GAREM1: variants seen among roughly 807,000 people sequenced by gnomAD.
The protein encoded by GAREM1 is GRB2 associated regulator of MAPK1 subtype 1.
Under a neutral mutation model 71.3 loss-of-function variants are expected in GAREM1, and 26 were observed. The observed-to-expected ratio is 0.36, with a 90% CI of 0.27 to 0.51. The LOEUF (loss-of-function observed/expected upper bound fraction) is 0.51. GAREM1 is among the 20% of genes least tolerant of loss of function. The pLI is 0.95. For missense variants in GAREM1, 1,026 were observed against 1,103.1 expected, an observed-to-expected ratio of 0.93 and a Z score of 0.99; for synonymous variants, 440 against 433.2, an observed-to-expected ratio of 1.02 and a Z score of -0.20.
At chr18:32,402,602 T>C (rs1396966894) in intron 1 of GAREM1, among the ~76,000 whole-genome samples, 2 of 152,124 alleles carry the variant, frequency 1.3e-5, no homozygotes, top group Non-Finnish European at 2.9e-5. Context: ...GTAGGAGCTA[T>C]CGAGGCTCCA....
chr18:32,355,798 G>T (rs997035597), intron 2 of GAREM1, among the ~76,000 whole-genome samples: 2 of 152,082 alleles, frequency 1.3e-5, no homozygotes, highest in Non-Finnish European at 2.9e-5. Context: ...AAGGTTATAA[G>T]CCCACCAAAC....
chr18:32,341,011 G>C (rs1399089915), intron 2 of GAREM1, among the ~76,000 whole-genome samples: 1 of 151,992 alleles, frequency 6.6e-6, no homozygotes, highest in Non-Finnish European at 1.5e-5. Context: ...TAAGTTCTAG[G>C]GTACATGTGC....
At chr18:32,339,464 C>T (rs1362144606) in intron 2 of GAREM1, among the ~76,000 whole-genome samples, 2 of 152,290 alleles carry the variant, frequency 1.3e-5, no homozygotes, top group East Asian at 3.9e-4. Context: ...AAAGCACTTG[C>T]AGGCAGAAAA....
At chr18:32,380,130 A>C (rs919176038) in intron 2 of GAREM1, among the ~76,000 whole-genome samples, 2 of 152,140 alleles carry the variant, frequency 1.3e-5, no homozygotes, top group East Asian at 1.9e-4. Flanking sequence ...GTCGATTAAT[A>C]ATCTGTGGAA....
chr18:32,399,328 C>T (rs923457579), intron 1 of GAREM1, among the ~76,000 whole-genome samples: 15 of 152,074 alleles, frequency 9.9e-5, no homozygotes, highest in Non-Finnish European at 2.1e-4. Context: ...CCAGGGCAAT[C>T]AGGCAGGAGA....
intron 4 of GAREM1, among the ~76,000 whole-genome samples, chr18:32,283,318 G>A (rs2046973679): frequency 6.6e-6 from 1 of 152,200 alleles, no homozygotes; most frequent in Admixed American, 6.5e-5. Flanking sequence ...GCAGAGGTGG[G>A]TGGATCACTT....
At chr18:32,449,718 A>C (rs371781223) in intron 1 of GAREM1, among the ~76,000 whole-genome samples, 7 of 152,178 alleles carry the variant, frequency 4.6e-5, no homozygotes, top group African/African-American at 1.7e-4. Flanking sequence ...ATATTCTTTC[A>C]TCTTCTGTGA....
chr18:32,293,072 A>T (rs1025716392), intron 3 of GAREM1, among the ~76,000 whole-genome samples: 1 of 152,104 alleles, frequency 6.6e-6, no homozygotes, highest in Non-Finnish European at 1.5e-5. Context: ...TGGGGTTTGG[A>T]TTGAAATTAG....
chr18:32,434,462 G>C (rs1157370591), intron 1 of GAREM1, among the ~76,000 whole-genome samples: 3 of 152,064 alleles, frequency 2.0e-5, no homozygotes, highest in Non-Finnish European at 1.5e-5. Flanking sequence ...ATCTTGTGCT[G>C]TGTCAGAAAG....
intron 2 of GAREM1, among the ~76,000 whole-genome samples, chr18:32,323,745 T>C (rs2047451148): frequency 6.6e-6 from 1 of 152,184 alleles, no homozygotes. Flanking sequence ...GGTTCCAATA[T>C]GTAAAAAGCA....
intron 2 of GAREM1, among the ~76,000 whole-genome samples, chr18:32,378,823 T>C (rs1205782495): frequency 6.6e-6 from 1 of 152,216 alleles, no homozygotes; most frequent in African/African-American, 2.4e-5. Context: ...CAGAATGTAC[T>C]ATTTGCTATT....
chr18:32,293,335 G>T (rs2047106427), intron 3 of GAREM1, among the ~76,000 whole-genome samples: 1 of 152,104 alleles, frequency 6.6e-6, no homozygotes, highest in Non-Finnish European at 1.5e-5. Flanking sequence ...AGAAAGTAAG[G>T]TGCTCATAAG....
At chr18:32,381,975 C>T (rs2048102210) in intron 2 of GAREM1, among the ~76,000 whole-genome samples, 1 of 152,180 alleles carries the variant, frequency 6.6e-6, no homozygotes, top group Non-Finnish European at 1.5e-5. Context: ...TTTGCTTGCA[C>T]CTGTTAGAGC....
intron 1 of GAREM1, among the ~76,000 whole-genome samples, chr18:32,399,992 A>G (rs2048296530): frequency 6.6e-6 from 1 of 152,224 alleles, no homozygotes; most frequent in Admixed American, 6.5e-5. Context: ...CCAATGGAAC[A>G]GAACAGAGCC....
intron 2 of GAREM1, among the ~76,000 whole-genome samples, chr18:32,364,022 A>ATTT (rs1236005063): frequency 1.9e-5 from 1 of 52,104 alleles, no homozygotes; most frequent in African/African-American, 1.5e-4. Context: ...ATATATATAT[A>ATTT]TATATGTTTT....
At chr18:32,351,776 A>G (rs984775802) in intron 2 of GAREM1, among the ~76,000 whole-genome samples, 4 of 151,930 alleles carry the variant, frequency 2.6e-5, no homozygotes, top group African/African-American at 4.8e-5. Flanking sequence ...TTTACACAGC[A>G]TGACTTGATA....
At chr18:32,420,074 T>C (rs1004056945) in intron 1 of GAREM1, among the ~76,000 whole-genome samples, 3 of 152,118 alleles carry the variant, frequency 2.0e-5, no homozygotes, top group African/African-American at 7.2e-5. Flanking sequence ...TCAGATAAAT[T>C]TAATTGAGAA....
At chr18:32,422,969 T>G (rs1461544555) in intron 1 of GAREM1, among the ~76,000 whole-genome samples, 2 of 152,232 alleles carry the variant, frequency 1.3e-5, no homozygotes. Flanking sequence ...TCAAACATTA[T>G]ACCATCTGAG....
intron 4 of GAREM1, among the ~76,000 whole-genome samples, chr18:32,277,979 G>T (rs1220416072): frequency 6.6e-5 from 10 of 151,956 alleles, no homozygotes; most frequent in Non-Finnish European, 7.4e-5. Flanking sequence ...ACTTCCTAGG[G>T]GTTTATGAAA....
Sources: gnomAD v4.1 joint callset for allele counts (sites outside exome capture counted in the v4.1 genomes callset) on GRCh38, gnomAD v4.1.1 for gene constraint, MANE v1.5 for transcripts, NCBI Gene and HGNC (gene_info 2026-07-23, HGNC 2026-07-21) for gene names.